Variants in EML1 observed in about 807,000 individuals in gnomAD.
EML1 encodes the protein EMAP like 1.
A neutral mutation model predicts 110.4 loss-of-function variants in EML1; 27 were observed. The observed-to-expected ratio is 0.24, with a 90% CI of 0.18 to 0.34. The LOEUF is 0.34. Among genes scored for constraint, EML1 ranks in the 10% least tolerant of loss-of-function variants. EML1 has a pLI of 1.00. For synonymous variants in EML1, 344 were observed against 385.8 expected (o/e 0.89, Z 1.27); for missense variants, 741 against 1,030.9 (o/e 0.72, Z 3.85).
chr14:99,808,096 G>A (rs577440221), intron 1 of EML1, among the ~76,000 whole-genome samples: 135 of 152,178 alleles, frequency 8.9e-4, no homozygotes, highest in South Asian at 1.9e-3. Flanking sequence ...TTTCCTCTGC[G>A]TTTCTGAATT....
Position 99,865,805 on chromosome 14 carries a change from A to G in EML1, c.383+159A>G, listed in dbSNP as rs558534328. Among the ~76,000 whole-genome samples the G allele has an allele frequency of 2.0e-5, 3 of 152,364 alleles. No homozygotes were observed. The East Asian group carries it at 5.8e-4, about 29-fold the overall frequency. ...TATGGTGCCATAACAAGAACTAGTT[A>G]AGTTTATTATTATTCTTGTTTTAGA... On this transcript the variant is annotated intron_variant, in intron 3 of 21. Transcript: ENST00000262233.
chr14:99,870,910 C>T (rs1247775728), intron 3 of EML1, among the ~76,000 whole-genome samples: 2 of 152,260 alleles, frequency 1.3e-5, no homozygotes, highest in Admixed American at 6.5e-5. Flanking sequence ...CATTCTGCAG[C>T]CCTTGGATCA....
rs1189581348 is a variant in EML1 at position 99,914,703 on chromosome 14, C to G, written c.1752+6C>G. 1.3e-6 allele frequency: 2 copies of G among 1,597,788 alleles called. No individual in the cohort carries two copies. Among genetic ancestry groups the G allele is most frequent in the Non-Finnish European group, 1.7e-6 (2 of 1,175,930 alleles). ...TCTGGGACAAAATAATAGAGGTAAACATGCACATTACATTTCCATTTTTCT... is the reference window on the plus strand; with the variant it reads ...TCTGGGACAAAATAATAGAGGTAAAGATGCACATTACATTTCCATTTTTCT... On this transcript the variant is annotated splice_donor_region_variant and intron_variant, in intron 15 of 21. Coordinates refer to ENST00000262233, the MANE Select transcript of EML1 (RefSeq NM_004434.3).
At chr14:99,837,542 G>A (rs1209674900) in intron 1 of EML1, among the ~76,000 whole-genome samples, 1 of 152,166 alleles carries the variant, frequency 6.6e-6, no homozygotes, top group African/African-American at 2.4e-5. Flanking sequence ...GAATGTGGAT[G>A]GGAGGTTAGA....
At chr14:99,849,951 C>T (rs1486785051) in intron 1 of EML1, among the ~76,000 whole-genome samples, 1 of 151,152 alleles carries the variant, frequency 6.6e-6, no homozygotes, top group African/African-American at 2.4e-5. Context: ...CCCTGTCACC[C>T]GGGGTCTTGC....
intron 2 of EML1, among the ~76,000 whole-genome samples, chr14:99,852,496 T>C (rs1170001227): frequency 2.0e-5 from 3 of 152,110 alleles, no homozygotes; most frequent in Non-Finnish European, 4.4e-5. Flanking sequence ...GTGCCCGTGG[T>C]CCCAGCTACT....
At chr14:99,882,063 T>C (rs971581598) in intron 4 of EML1, among the ~76,000 whole-genome samples, 3 of 152,210 alleles carry the variant, frequency 2.0e-5, no homozygotes, top group African/African-American at 7.2e-5. Flanking sequence ...TTTAACAGCA[T>C]TTAATCTTTG....
Position 99,939,923 on chromosome 14 carries a change from C to T in EML1, c.2323-64C>T, listed in dbSNP as rs2140144168. The T allele has an allele frequency of 6.8e-7, 1 of 1,463,346 alleles. No individual in the cohort carries two copies. Among genetic ancestry groups the T allele is most frequent in the Non-Finnish European group, 9.1e-7 (1 of 1,103,292 alleles). 90.6% of individuals were successfully genotyped at this position (1,463,346 alleles called of 1,614,324 possible). A position where few individuals can be genotyped will look rare whatever the true frequency, so the allele number is the denominator to read the frequency against. On this transcript the variant is annotated intron_variant, in intron 21 of 21. Transcript: ENST00000262233. The surrounding 1 kb of genome is among the most constrained non-coding windows in gnomAD (Gnocchi z 4.2). ...AAGGCATGCAGTGAGAATTCAAGCA[C>T]TTTCCCATCCCAGATGGTTCGCCTT...
At chr14:99,793,233 C>G, upstream of EML1, 1 of 628,638 alleles carries the variant, frequency 1.6e-6, no homozygotes, top group Non-Finnish European at 2.0e-6. Context: ...CCCGCCACGT[C>G]CCCCTCCCGG....
At chr14:99,808,108 T>C (rs890010766) in intron 1 of EML1, among the ~76,000 whole-genome samples, 1 of 152,184 alleles carries the variant, frequency 6.6e-6, no homozygotes. Context: ...TTCTGAATTA[T>C]GATACATACC....
At chr14:99,925,465 G>T (rs961814304) in intron 17 of EML1, among the ~76,000 whole-genome samples, 1 of 151,994 alleles carries the variant, frequency 6.6e-6, no homozygotes, top group Non-Finnish European at 1.5e-5. Flanking sequence ...TCTCTAAACT[G>T]AAACTCCTGG....
intron 1 of EML1, among the ~76,000 whole-genome samples, chr14:99,810,135 G>A (rs970553781): frequency 2.0e-5 from 3 of 152,258 alleles, no homozygotes; most frequent in South Asian, 4.1e-4. Flanking sequence ...GGAAGCTGGC[G>A]CCCCTGGGGG....
At chr14:99,820,334 A>G (rs2058241124) in intron 1 of EML1, among the ~76,000 whole-genome samples, 1 of 152,184 alleles carries the variant, frequency 6.6e-6, no homozygotes, top group South Asian at 2.1e-4. Context: ...GGTGTAGCCT[A>G]AGAAACCTGG....
intron 1 of EML1, among the ~76,000 whole-genome samples, chr14:99,744,307 G>A (rs1440456818): frequency 2.6e-5 from 4 of 152,082 alleles, no homozygotes; most frequent in Admixed American, 2.0e-4. Flanking sequence ...CCAGTGTGAT[G>A]CTTCCATAAA....
At chr14:99,807,777 G>A (rs1296408832) in intron 1 of EML1, among the ~76,000 whole-genome samples, 2 of 152,206 alleles carry the variant, frequency 1.3e-5, no homozygotes, top group Non-Finnish European at 2.9e-5. Context: ...CTCCAGCACA[G>A]CGTTGTCTAG....
chr14:99,764,259 T>C (rs1406056676), intron 1 of EML1, among the ~76,000 whole-genome samples: 2 of 152,220 alleles, frequency 1.3e-5, no homozygotes, highest in African/African-American at 4.8e-5. Context: ...CAGCAGCTCT[T>C]CACCCAGGTT....
chr14:99,740,929 C>G (rs1392999625), intron 1 of EML1, among the ~76,000 whole-genome samples: 1 of 152,172 alleles, frequency 6.6e-6, no homozygotes, highest in Non-Finnish European at 1.5e-5. Flanking sequence ...TCCGTCCTGG[C>G]CAGAATCTGC....
chr14:99,833,222 G>C (rs985784457), intron 1 of EML1, among the ~76,000 whole-genome samples: 1 of 152,066 alleles, frequency 6.6e-6, no homozygotes, highest in African/African-American at 2.4e-5. Flanking sequence ...TGTGTGTGTG[G>C]GTATGGATAT....
At chr14:99,851,381 C>T (rs1474406154) in intron 2 of EML1, among the ~76,000 whole-genome samples, 4 of 151,982 alleles carry the variant, frequency 2.6e-5, no homozygotes, top group African/African-American at 9.7e-5. Flanking sequence ...GATCTGGGCT[C>T]ACTGCCAGCT....
Sources: allele counts gnomAD v4.1 joint callset (sites outside exome capture counted in the v4.1 genomes callset), GRCh38; gene constraint gnomAD v4.1.1; non-coding constraint Gnocchi (gnomAD v3.1); transcripts MANE v1.5; gene names NCBI Gene and HGNC (gene_info 2026-07-23, HGNC 2026-07-21).